The following OR56A3 variants were observed in gnomAD, a reference collection of about 807,000 sequenced individuals.
OR56A3 encodes olfactory receptor 56A3.
A neutral mutation model predicts 17.5 loss-of-function variants in OR56A3; 23 were observed. The ratio of observed to expected loss-of-function variants is 1.32; its 90% CI spans 0.95 to 1.87. The LOEUF is 1.87. Ranked by LOEUF, OR56A3 falls within the 40% of genes most tolerant of loss-of-function variation. OR56A3 has a pLI of 0.00. For synonymous variants in OR56A3, 175 were observed against 150.6 expected, an observed-to-expected ratio of 1.16 and a Z score of -1.19; for missense variants, 366 against 380.1, an observed-to-expected ratio of 0.96 and a Z score of 0.31.
chr11:5,986,189 C>T, the OR56A3 span: 5 of 1,613,858 alleles, frequency 3.1e-6, no homozygotes, highest in Non-Finnish European at 4.2e-6. Flanking sequence ...GCCTCACTCC[C>T]TGGTACCTTC....
At chr11:5,997,923 T>C in the OR56A3 span, among the ~76,000 whole-genome samples, 40 of 152,260 alleles carry the variant, frequency 2.6e-4, no homozygotes, top group Non-Finnish European at 3.1e-4. Flanking sequence ...TTGTTATTAA[T>C]GATAAGAGCA....
At chr11:5,994,883 G>A in the OR56A3 span, 1 of 759,476 alleles carries the variant, frequency 1.3e-6, no homozygotes, top group Admixed American at 1.7e-5. Context: ...GTCCGGGTAG[G>A]AGGCCAGGCA....
chr11:6,014,692 G>T, the OR56A3 span, among the ~76,000 whole-genome samples: 3 of 152,160 alleles, frequency 2.0e-5, no homozygotes, highest in African/African-American at 7.2e-5. Flanking sequence ...AAGACAAGAA[G>T]ATGAGGTAAA....
the OR56A3 span, among the ~76,000 whole-genome samples, chr11:5,974,476 C>G: frequency 1.3e-5 from 2 of 152,124 alleles, no homozygotes; most frequent in Non-Finnish European, 2.9e-5. Context: ...GTAAATGGTA[C>G]AGTAGTTAGT....
At chr11:5,960,210 C>T in the OR56A3 span, among the ~76,000 whole-genome samples, 1 of 152,148 alleles carries the variant, frequency 6.6e-6, no homozygotes, top group African/African-American at 2.4e-5. Flanking sequence ...GTCGTTGGTA[C>T]TTTGAAAGAG....
the OR56A3 span, among the ~76,000 whole-genome samples, chr11:6,012,205 G>A: frequency 1.3e-5 from 2 of 152,220 alleles, no homozygotes; most frequent in African/African-American, 2.4e-5. Flanking sequence ...AGCGGAGGTT[G>A]AGCAAGATGA....
the OR56A3 span, among the ~76,000 whole-genome samples, chr11:5,972,651 T>C: frequency 6.6e-6 from 1 of 152,270 alleles, no homozygotes; most frequent in Non-Finnish European, 1.5e-5. Flanking sequence ...AGCAGCTAAG[T>C]TAAAGGTTCC....
chr11:6,013,854 C>T, the OR56A3 span, among the ~76,000 whole-genome samples: 5 of 152,146 alleles, frequency 3.3e-5, no homozygotes, highest in Admixed American at 6.5e-5. Flanking sequence ...ACTTGCCTTC[C>T]CAGCCTGTCA....
At chr11:6,018,643 G>C in the OR56A3 span, among the ~76,000 whole-genome samples, 86 of 151,906 alleles carry the variant, frequency 5.7e-4, no homozygotes, top group South Asian at 2.5e-3. Context: ...AGAAATTAGA[G>C]TAGCAAAAAC....
chr11:5,967,788 T>G, the OR56A3 span: 1 of 1,584,372 alleles, frequency 6.3e-7, no homozygotes, highest in Non-Finnish European at 8.6e-7. Flanking sequence ...TTTGGCCATA[T>G]CTCCCTCACC....
the OR56A3 span, chr11:6,017,087 C>T: frequency 6.7e-6 from 1 of 148,646 alleles, no homozygotes; most frequent in Non-Finnish European, 1.5e-5. Flanking sequence ...GATGAGAGAC[C>T]TCCTGGGAAT....
chr11:5,965,122 A>G, the OR56A3 span, among the ~76,000 whole-genome samples: 7 of 152,234 alleles, frequency 4.6e-5, no homozygotes, highest in South Asian at 4.1e-4. Context: ...AGAGAATCCT[A>G]TTCCAATATT....
At chr11:6,002,431 A>G in the OR56A3 span, 1 of 1,614,270 alleles carries the variant, frequency 6.2e-7, no homozygotes, top group Non-Finnish European at 8.5e-7. Context: ...GAGAGTTTGG[A>G]CACAGACAGG....
chr11:5,956,400 T>C, the OR56A3 span, among the ~76,000 whole-genome samples: 1 of 96,546 alleles, frequency 1.0e-5, no homozygotes, highest in Admixed American at 1.1e-4. Flanking sequence ...GCACTTTACA[T>C]GTTTTGGGTT....
At position 5,948,060 on chromosome 11, in the gene OR56A3, G is replaced by A. The variant is rs939227812; in HGVS notation, c.714G>A (p.Val238=). 45 of 1,614,084 alleles carry A rather than the reference G, an allele frequency of 2.8e-5. No individual in the cohort carries two copies. The highest frequency in any genetic ancestry group is 3.6e-5 in the Non-Finnish European group (42 of 1,180,054). ...TGAGACTCAAGGCAGAGGGTGCCGT[G>A]GCAAAGGCCCTAAGCACATGTGGCT... ...AVLRLKAEGA[V]AKALSTCGSH... The change falls in exon 3 of 3, where the codon GTG becomes GTA. Residue 238 remains valine, a synonymous_variant. Transcript: ENST00000641160.
intron 2 of OR56A3, among the ~76,000 whole-genome samples, chr11:5,945,755 T>C (rs1332163248): frequency 6.6e-6 from 1 of 152,126 alleles, no homozygotes; most frequent in Non-Finnish European, 1.5e-5. Context: ...TAATGAAACA[T>C]ATTTCACAGA....
At chr11:6,014,818 C>A in the OR56A3 span, among the ~76,000 whole-genome samples, 12 of 151,890 alleles carry the variant, frequency 7.9e-5, no homozygotes, top group African/African-American at 2.9e-4. Flanking sequence ...TTATTGGGAA[C>A]TGGCGTAAAG....
intron 2 of OR56A3, among the ~76,000 whole-genome samples, chr11:5,945,697 T>A (rs1847865912): frequency 6.6e-6 from 1 of 151,940 alleles, no homozygotes; most frequent in African/African-American, 2.4e-5. Flanking sequence ...TATGGGCAGT[T>A]AAGAACCTGG....
chr11:5,956,604 G>A, the OR56A3 span, among the ~76,000 whole-genome samples: 1 of 152,146 alleles, frequency 6.6e-6, no homozygotes, highest in East Asian at 1.9e-4. Flanking sequence ...CCAAGCTAAT[G>A]TCTTATTAAG....
Sources: allele counts gnomAD v4.1 joint callset (sites outside exome capture counted in the v4.1 genomes callset), GRCh38; gene constraint gnomAD v4.1.1; transcripts MANE v1.5; gene names NCBI Gene and HGNC (gene_info 2026-07-23, HGNC 2026-07-21).